Variants in RFX3 observed in about 807,000 individuals in gnomAD.
RFX3 encodes the protein transcription factor RFX3.
In RFX3, 14 loss-of-function variants were observed where a neutral mutation model predicts 98.6. The ratio of observed to expected loss-of-function variants is 0.14; its 90% CI spans 0.09 to 0.22. RFX3 has a LOEUF of 0.22. Ranked by LOEUF, RFX3 falls within the 10% of genes least tolerant of loss-of-function variation. RFX3 has a pLI of 1.00. For missense variants in RFX3, 639 were observed against 926.9 expected (o/e 0.69, Z 4.03); for synonymous variants, 383 against 328.4 (o/e 1.17, Z -1.80).
At chr9:3,486,127 CCAAAAAAA>C (rs1850249066) in intron 1 of RFX3, among the ~76,000 whole-genome samples, 1 of 72,786 alleles carries the variant, frequency 1.4e-5, no homozygotes, top group African/African-American at 6.5e-5. Flanking sequence ...CTGTCTCAAA[CCAAAAAAA>C]AAAAAAAAAA....
At chr9:3,438,857 C>A (rs746237856) in intron 1 of RFX3, among the ~76,000 whole-genome samples, 1 of 151,840 alleles carries the variant, frequency 6.6e-6, no homozygotes, top group African/African-American at 2.4e-5. Context: ...AATGATTATG[C>A]ACCAAATAAC....
At chr9:3,302,169 C>T (rs1586947443) in intron 4 of RFX3, among the ~76,000 whole-genome samples, 1 of 151,712 alleles carries the variant, frequency 6.6e-6, no homozygotes, top group African/African-American at 2.4e-5. Flanking sequence ...AGGGGGTCAT[C>T]AGTATGAACA....
rs567171041 is a variant in RFX3, at chr9:3,247,230, T to C, written c.1968+802A>G. ...TGAACCATCTGAGCATTTGCATCTA[T>C]TCCTCATTATATTAACCAGCCCTTG... On this transcript the variant is annotated intron_variant, in intron 15 of 16. Transcript: ENST00000617270. 6.3e-6 allele frequency: 6 copies of C among 959,522 alleles called. No homozygotes were observed. In the South Asian group the frequency reaches 2.5e-4, roughly 40 times the overall value. The allele number at this position is 959,522 out of a possible 1,614,324, so 59.4% of individuals were successfully genotyped here.
rs930958973 is a variant in RFX3 at position 3,420,512 on chromosome 9, A to G, written c.-8-24916T>C. Reference sequence around the variant, plus strand: ...GAGGTAGTATAGATATTTTTTATTAATAACTGTATTTTGCACATGAAGAAA... The same window carrying G: ...GAGGTAGTATAGATATTTTTTATTAGTAACTGTATTTTGCACATGAAGAAA... On this transcript the variant is annotated intron_variant, in intron 1 of 16. Coordinates refer to ENST00000617270, the MANE Select transcript of RFX3 (RefSeq NM_001282116.2). Among the ~76,000 whole-genome samples the G allele has an allele frequency of 3.3e-5, 5 of 152,198 alleles. No homozygotes were observed. In the South Asian group the frequency reaches 6.2e-4, roughly 19 times the overall value.
chr9:3,506,404 A>G (rs1333156281), intron 1 of RFX3, among the ~76,000 whole-genome samples: 1 of 151,714 alleles, frequency 6.6e-6, no homozygotes, highest in Non-Finnish European at 1.5e-5. Context: ...CTGATCCTCT[A>G]CTTTTGACAT....
intron 9 of RFX3, among the ~76,000 whole-genome samples, chr9:3,273,099 G>GT (rs1171182865): frequency 1.6e-4 from 24 of 152,042 alleles, no homozygotes; most frequent in Non-Finnish European, 2.5e-4. Context: ...TTTCAAATAT[G>GT]TTCAGACTAA....
intron 1 of RFX3, among the ~76,000 whole-genome samples, chr9:3,429,250 C>T (rs1371690494): frequency 6.6e-6 from 1 of 151,000 alleles, no homozygotes; most frequent in African/African-American, 2.4e-5. Context: ...TCTCGATCTC[C>T]TGACCTCGTG....
chr9:3,411,587 C>T (rs1348347771), intron 1 of RFX3, among the ~76,000 whole-genome samples: 5 of 151,570 alleles, frequency 3.3e-5, no homozygotes, highest in African/African-American at 9.7e-5. Flanking sequence ...GTGATCCTCC[C>T]ACCCCAGCCT....
intron 1 of RFX3, among the ~76,000 whole-genome samples, chr9:3,430,950 T>C (rs1369820370): frequency 1.3e-5 from 2 of 152,192 alleles, no homozygotes; most frequent in African/African-American, 4.8e-5. Flanking sequence ...TTAAAATGTA[T>C]CAAACCTTAC....
intron 1 of RFX3, among the ~76,000 whole-genome samples, chr9:3,436,995 T>C (rs961105931): frequency 6.6e-6 from 1 of 152,088 alleles, no homozygotes; most frequent in African/African-American, 2.4e-5. Context: ...TGTTAGGAAG[T>C]TGAAATGGAA....
At chr9:3,344,649 A>T in intron 3 of RFX3, 2 of 575,746 alleles carry the variant, frequency 3.5e-6, no homozygotes, top group Non-Finnish European at 6.2e-6. Flanking sequence ...CACGAAAGCT[A>T]CAAACTCCCA....
rs150255470 is a variant in RFX3, at chr9:3,238,325, G to A, written c.1969-9436C>T. Among the ~76,000 whole-genome samples, 585 of 152,250 alleles carry A rather than the reference G, an allele frequency of 3.8e-3. 6 individuals are homozygous for A. Among genetic ancestry groups the A allele is most frequent in the African/African-American group, 0.013 (550 of 41,546 alleles). ...GTAAACTCAAACTAGGACTGGAGCT[G>A]GAAGTCGGTTTATGCACTGATCAAG... On this transcript the variant is annotated intron_variant, in intron 15 of 16. Coordinates refer to ENST00000617270, the MANE Select transcript of RFX3 (RefSeq NM_001282116.2).
intron 2 of RFX3, among the ~76,000 whole-genome samples, chr9:3,354,418 C>T (rs997453568): frequency 6.6e-6 from 1 of 151,504 alleles, no homozygotes; most frequent in Admixed American, 6.6e-5. Flanking sequence ...AACATTAAAC[C>T]AAAGTGCATT....
chr9:3,506,732 G>A (rs1817138120), intron 1 of RFX3, among the ~76,000 whole-genome samples: 1 of 151,674 alleles, frequency 6.6e-6, no homozygotes, highest in African/African-American at 2.4e-5. Context: ...ATAGAATGAG[G>A]TGACAGAATG....
intron 7 of RFX3, 101 bp downstream of exon 7, chr9:3,288,030 A>G: frequency 2.8e-6 from 3 of 1,081,030 alleles, no homozygotes; most frequent in Non-Finnish European, 4.0e-6. Context: ...GCCAACAATA[A>G]GAACGTTCTT....
At chr9:3,271,188 A>G in intron 9 of RFX3, 70 bp from the exon 10 acceptor site, 2 of 1,344,526 alleles carry the variant, frequency 1.5e-6, no homozygotes, top group African/African-American at 1.4e-5. Flanking sequence ...ACAGTCTAAC[A>G]TGACAAGATT....
chr9:3,431,972 G>A (rs1314849448), intron 1 of RFX3, among the ~76,000 whole-genome samples: 2 of 152,128 alleles, frequency 1.3e-5, no homozygotes, highest in Admixed American at 1.3e-4. Context: ...TCCACTATTT[G>A]TGCAAATGCC....
chr9:3,275,753 A>G (rs1255953487), intron 8 of RFX3, 141 bp from the exon 9 acceptor site: 4 of 531,878 alleles, frequency 7.5e-6, no homozygotes, highest in Non-Finnish European at 1.3e-5. Flanking sequence ...TTTTATATTA[A>G]TATTTTACAA....
chr9:3,348,198 G>C (rs1185916260), intron 2 of RFX3, among the ~76,000 whole-genome samples: 1 of 152,138 alleles, frequency 6.6e-6, no homozygotes, highest in Non-Finnish European at 1.5e-5. Context: ...ACAGCATCCT[G>C]AAATGTCATT....
Sources: gnomAD v4.1 joint callset for allele counts (sites outside exome capture counted in the v4.1 genomes callset) on GRCh38, gnomAD v4.1.1 for gene constraint, MANE v1.5 for transcripts, NCBI Gene and HGNC (gene_info 2026-07-23, HGNC 2026-07-21) for gene names.